The following SFMBT2 variants were observed in gnomAD, a reference collection of about 807,000 sequenced individuals.
SFMBT2 encodes the protein Scm like with four mbt domains 2.
SFMBT2 carries 38 observed loss-of-function variants against 110.1 expected under a neutral mutation model. That is an observed-to-expected ratio of 0.35 (90% confidence interval 0.27 to 0.45). SFMBT2 has a LOEUF of 0.45. Ranked by LOEUF, SFMBT2 falls within the 20% of genes least tolerant of loss-of-function variation. The probability of loss-of-function intolerance (pLI) is 1.00; values close to 1 mark genes in which losing one functional copy is unlikely to be tolerated. For synonymous variants in SFMBT2, 425 were observed against 425.4 expected (o/e 1.00, Z 0.01); for missense variants, 1,011 against 1,094.9 (o/e 0.92, Z 1.08).
chr10:7,171,131 C>T lies in SFMBT2; in HGVS notation c.2416-75G>A. On this transcript the variant is annotated intron_variant, in intron 19 of 20. Coordinates refer to ENST00000397167, the MANE Select transcript of SFMBT2 (RefSeq NM_001387889.1). This position sits in a 1 kb window ranked among gnomAD's most constrained non-coding sequence, Gnocchi z 4.9. ...GGGTCCTCTCCAGCACTCTCCAGGC[C>T]TCGGCCGTTCCTGGCCGGAAGCCAC... 2 of 1,602,666 alleles carry T rather than the reference C, an allele frequency of 1.2e-6. No homozygotes were observed. Among genetic ancestry groups the T allele is most frequent in the Non-Finnish European group, 1.7e-6 (2 of 1,174,396 alleles).
chr10:7,174,083 C>T (rs1837973727), intron 17 of SFMBT2, among the ~76,000 whole-genome samples: 1 of 152,226 alleles, frequency 6.6e-6, no homozygotes, highest in Admixed American at 6.5e-5. Flanking sequence ...ACAGCAGCAG[C>T]CCTGTAACTC....
Position 7,285,624 on chromosome 10 carries a change from A to G in SFMBT2, c.525+242T>C, listed in dbSNP as rs114009863. 9.6e-4 allele frequency: 442 copies of G among 461,714 alleles called. 1 individual carries two copies. Among genetic ancestry groups the G allele is most frequent in the African/African-American group, 8.2e-3 (418 of 50,802 alleles). The allele number at this position is 461,714 out of a possible 1,614,324, so 28.6% of individuals were successfully genotyped here. A position where few individuals can be genotyped will look rare whatever the true frequency, so the allele number is the denominator to read the frequency against. On this transcript the variant is annotated intron_variant, in intron 5 of 20. Transcript: ENST00000397167. ...CATCCTAGCATATTGTGATTTAAAA[A>G]TTGGATTCACATAGAGCAAATTTTC...
chr10:7,362,321 G>C (rs939537597), intron 4 of SFMBT2, among the ~76,000 whole-genome samples: 2 of 152,148 alleles, frequency 1.3e-5, no homozygotes, highest in Non-Finnish European at 2.9e-5. Flanking sequence ...ACATCTCCTG[G>C]AGCTGCCGCC....
At chr10:7,223,089 T>G (rs1445276895) in intron 10 of SFMBT2, among the ~76,000 whole-genome samples, 2 of 152,200 alleles carry the variant, frequency 1.3e-5, no homozygotes, top group Non-Finnish European at 1.5e-5. Context: ...GGTTAGGATT[T>G]GAACATATGA....
chr10:7,259,728 C>A (rs551678761), intron 7 of SFMBT2, among the ~76,000 whole-genome samples: 44 of 152,344 alleles, frequency 2.9e-4, no homozygotes, highest in African/African-American at 1.0e-3. Flanking sequence ...TCCTCAGCAT[C>A]AGTGGATTCT....
chr10:7,294,643 A>T (rs942459766), intron 4 of SFMBT2, among the ~76,000 whole-genome samples: 3 of 152,136 alleles, frequency 2.0e-5, no homozygotes, highest in Non-Finnish European at 4.4e-5. Flanking sequence ...ATTAATTCTG[A>T]TGGTTAATTT....
At position 7,243,662 on chromosome 10, in the gene SFMBT2, C is replaced by T. The variant is rs1840511283; in HGVS notation, c.1016G>A (p.Arg339Lys). The change falls in exon 9 of 21, where the codon AGA becomes AAA. Residue 339 changes from arginine (R) to lysine (K), a missense_variant. By Grantham distance (26) the Arg-to-Lys change is conservative. Coordinates refer to ENST00000397167, the MANE Select transcript of SFMBT2 (RefSeq NM_001387889.1). ...CATTGACAGTTTACTTGGTTCAGGT[C>T]TTAGGTCATCAATAGTCACTTGAAA... The part of the protein sequence containing the change: ...HFFQVTIDDL[R>K]PEPSKLSMLC... 2 of 872,596 alleles carry T rather than the reference C, an allele frequency of 2.3e-6. No individual in the cohort carries two copies. The highest frequency in any genetic ancestry group is 4.0e-6 in the Non-Finnish European group (2 of 501,638). The allele number at this position is 872,596 out of a possible 1,614,324, so 54.1% of individuals were successfully genotyped here.
At chr10:7,252,743 G>A (rs968671905) in intron 7 of SFMBT2, among the ~76,000 whole-genome samples, 1 of 152,098 alleles carries the variant, frequency 6.6e-6, no homozygotes, top group African/African-American at 2.4e-5. Context: ...TTTCTCCCAG[G>A]TTTCAGCTGT....
At chr10:7,371,272 C>T (rs1490027454) in intron 2 of SFMBT2, among the ~76,000 whole-genome samples, 1 of 152,088 alleles carries the variant, frequency 6.6e-6, no homozygotes, top group Non-Finnish European at 1.5e-5. Context: ...TAAAGGCGTG[C>T]ATCACCACGC....
chr10:7,349,420 ACT>A (rs2132006185), intron 4 of SFMBT2, among the ~76,000 whole-genome samples: 1 of 75,474 alleles, frequency 1.3e-5, no homozygotes, highest in Non-Finnish European at 2.7e-5. Flanking sequence ...TCAAGCCCTG[ACT>A]CTTTTTTCTT....
intron 20 of SFMBT2, among the ~76,000 whole-genome samples, chr10:7,166,277 T>C (rs1270015391): frequency 6.6e-6 from 1 of 152,238 alleles, no homozygotes; most frequent in Admixed American, 6.5e-5. Flanking sequence ...AGAGAAAGTG[T>C]TGGCATGAGA....
At chr10:7,180,654 A>G (rs1838217789) in intron 16 of SFMBT2, among the ~76,000 whole-genome samples, 1 of 152,060 alleles carries the variant, frequency 6.6e-6, no homozygotes, top group South Asian at 2.1e-4. Flanking sequence ...TCCCTTCCAA[A>G]GGCATTGGTC....
intron 4 of SFMBT2, among the ~76,000 whole-genome samples, chr10:7,321,939 T>C (rs923389665): frequency 2.0e-5 from 3 of 152,158 alleles, no homozygotes; most frequent in African/African-American, 4.8e-5. Flanking sequence ...CCATTGGAGG[T>C]TTTTTTAGGG....
intron 9 of SFMBT2, among the ~76,000 whole-genome samples, chr10:7,242,752 C>T (rs1840475590): frequency 6.6e-6 from 1 of 152,188 alleles, no homozygotes; most frequent in South Asian, 2.1e-4. Flanking sequence ...TGGGACTCAA[C>T]CTGTGGGAAC....
intron 12 of SFMBT2, chr10:7,203,862 T>C (rs997608844): frequency 6.4e-6 from 1 of 155,080 alleles, no homozygotes; most frequent in African/African-American, 2.4e-5. Context: ...ATGACAGGCA[T>C]GCACCACCAT....
intron 6 of SFMBT2, among the ~76,000 whole-genome samples, chr10:7,280,493 C>G (rs145026821): frequency 1.3e-5 from 2 of 152,306 alleles, no homozygotes; most frequent in East Asian, 3.9e-4. Flanking sequence ...TCCTTAGCAT[C>G]TGCAAGAATA....
At chr10:7,175,547 G>A (rs189615893) in intron 17 of SFMBT2, among the ~76,000 whole-genome samples, 9 of 152,298 alleles carry the variant, frequency 5.9e-5, no homozygotes, top group Admixed American at 1.3e-4. Context: ...AACATGAGAA[G>A]CCGATTATGA....
At chr10:7,284,398 T>C (rs1842031506) in intron 5 of SFMBT2, 6 of 1,236,404 alleles carry the variant, frequency 4.9e-6, no homozygotes, top group Non-Finnish European at 6.1e-6. Flanking sequence ...AAAATAACAG[T>C]TTGTGCTAAG....
chr10:7,204,392 T>G, intron 12 of SFMBT2: 1 of 985,406 alleles, frequency 1.0e-6, no homozygotes, highest in South Asian at 4.7e-5. Context: ...GTAAAGTTGG[T>G]GCCTAAATTC....
Sources: gnomAD v4.1 joint callset for allele counts (sites outside exome capture counted in the v4.1 genomes callset) on GRCh38, gnomAD v4.1.1 for gene constraint, Gnocchi (gnomAD v3.1) non-coding constraint, MANE v1.5 for transcripts, NCBI Gene and HGNC (gene_info 2026-07-23, HGNC 2026-07-21) for gene names.